CUX2: variants seen among roughly 807,000 people sequenced by gnomAD.
CUX2 encodes the protein cut like homeobox 2.
A neutral mutation model predicts 144.8 loss-of-function variants in CUX2; 40 were observed. The observed-to-expected ratio is 0.28, with a 90% confidence interval of 0.21 to 0.36. The LOEUF is 0.36. CUX2 is among the 10% of genes least tolerant of loss of function. The probability of loss-of-function intolerance (pLI) is 1.00; values close to 1 mark genes in which losing one functional copy is unlikely to be tolerated. For synonymous variants in CUX2, 827 were observed against 875.6 expected (o/e 0.94, Z 0.98); for missense variants, 1,615 against 1,994.0 (o/e 0.81, Z 3.62).
chr12:111,191,270 G>C (rs1408007410), intron 1 of CUX2, among the ~76,000 whole-genome samples: 4 of 152,060 alleles, frequency 2.6e-5, no homozygotes, highest in Admixed American at 6.5e-5. Flanking sequence ...GGGTCATTGT[G>C]TGGCTGTCTA....
At chr12:111,278,678 TC>T (rs1884989977) in intron 4 of CUX2, among the ~76,000 whole-genome samples, 1 of 152,136 alleles carries the variant, frequency 6.6e-6, no homozygotes, top group Admixed American at 6.5e-5. Context: ...AAAACAAGAT[TC>T]CCTTGGTGTT....
At chr12:111,248,462 G>A (rs1592879720) in intron 3 of CUX2, among the ~76,000 whole-genome samples, 2 of 152,212 alleles carry the variant, frequency 1.3e-5, no homozygotes, top group Admixed American at 6.5e-5. Context: ...CTGGCAGTTT[G>A]CCAGCCATAG....
At chr12:111,341,751 C>T (rs1888586329) in intron 20 of CUX2, 29 bp from the exon 21 acceptor site, 1 of 1,549,798 alleles carries the variant, frequency 6.5e-7, no homozygotes, top group Non-Finnish European at 8.7e-7. Flanking sequence ...GACACCACCT[C>T]TCAGCCCTCC....
chr12:111,228,190 C>T (rs1425456164), intron 3 of CUX2, among the ~76,000 whole-genome samples: 1 of 152,154 alleles, frequency 6.6e-6, no homozygotes, highest in East Asian at 1.9e-4. Context: ...ACATCATGCA[C>T]AGGAGTTACC....
At chr12:111,155,735 C>T (rs540283345) in intron 1 of CUX2, among the ~76,000 whole-genome samples, 1 of 152,226 alleles carries the variant, frequency 6.6e-6, no homozygotes, top group South Asian at 2.1e-4. Context: ...AGGCACCAGC[C>T]GGAAAGTTCA....
chr12:111,187,282 G>A (rs143239162), intron 1 of CUX2, among the ~76,000 whole-genome samples: 222 of 152,244 alleles, frequency 1.5e-3, no homozygotes, highest in Non-Finnish European at 2.5e-3. Context: ...TCCCTTGCTC[G>A]TGACTCCTGT....
chr12:111,202,244 A>G (rs1210766269), intron 1 of CUX2, among the ~76,000 whole-genome samples: 1 of 152,196 alleles, frequency 6.6e-6, no homozygotes, highest in Non-Finnish European at 1.5e-5. Context: ...GAGGGGCACA[A>G]GGGGTCCCCA....
In CUX2 at chr12:111,104,741, C is replaced by A. The variant is rs989950294; in HGVS notation, c.63+70501C>A. On this transcript the variant is annotated intron_variant, in intron 1 of 21. Transcript: ENST00000261726. ...AGAAGAGGGGTTTTAAAGTCCGTTC[C>A]TGGTTACCAGAGGAGGAAACAGCAG... Among the ~76,000 whole-genome samples the A allele has an allele frequency of 3.3e-5, 5 of 152,284 alleles. No homozygotes were observed. In the South Asian group the frequency reaches 8.3e-4, roughly 25 times the overall value.
chr12:111,296,580 C>G (rs1048973684), intron 8 of CUX2, 41 bp downstream of exon 8: 1 of 1,566,272 alleles, frequency 6.4e-7, no homozygotes, highest in Non-Finnish European at 8.7e-7. Context: ...CCCTTGGAGG[C>G]CTCCCAGACA....
intron 1 of CUX2, among the ~76,000 whole-genome samples, chr12:111,053,124 T>C (rs1047364795): frequency 2.0e-4 from 31 of 152,182 alleles, no homozygotes; most frequent in Non-Finnish European, 2.1e-4. Context: ...ATCTGCAAAA[T>C]GGGGATAGCA....
chr12:111,205,739 T>C (rs936576305), intron 1 of CUX2, among the ~76,000 whole-genome samples: 14 of 152,192 alleles, frequency 9.2e-5, no homozygotes, highest in African/African-American at 2.9e-4. Context: ...CTGAGTCACC[T>C]ATCCAAGGTC....
Position 111,320,864 on chromosome 12 carries a change from C to T in CUX2, c.2766+89C>T. Reference sequence around the variant, plus strand: ...CCACCCAAGCAGGCTGGCGGGACCCCAGGGGCCCAGGCCCTTCATTCCTGA... The same window carrying T: ...CCACCCAAGCAGGCTGGCGGGACCCTAGGGGCCCAGGCCCTTCATTCCTGA... On this transcript the variant is annotated intron_variant, in intron 17 of 21. Transcript: ENST00000261726. The surrounding 1 kb of genome is among the most constrained non-coding windows in gnomAD (Gnocchi z 8.1). 2 of 1,334,922 alleles carry T rather than the reference C, an allele frequency of 1.5e-6. No individual in the cohort carries two copies. Among genetic ancestry groups the T allele is most frequent in the Non-Finnish European group, 1.9e-6 (2 of 1,026,234 alleles). 82.7% of individuals were successfully genotyped at this position (1,334,922 alleles called of 1,614,324 possible). A position where few individuals can be genotyped will look rare whatever the true frequency, so the allele number is the denominator to read the frequency against.
At chr12:111,258,071 A>G (rs948678631) in intron 3 of CUX2, among the ~76,000 whole-genome samples, 1 of 152,208 alleles carries the variant, frequency 6.6e-6, no homozygotes, top group Non-Finnish European at 1.5e-5. Context: ...ATCAGCTTCC[A>G]TGGGACTCTT....
At chr12:111,214,173 C>CTCTCT in intron 1 of CUX2, 27 bp from the exon 2 acceptor site, 1 of 1,003,018 alleles carries the variant, frequency 1.0e-6, no homozygotes, top group East Asian at 3.0e-5. Flanking sequence ...CTCTCTCTCT[C>CTCTCT]TTTTTTTTTT....
At chr12:111,154,408 C>T (rs1877245595) in intron 1 of CUX2, among the ~76,000 whole-genome samples, 1 of 152,130 alleles carries the variant, frequency 6.6e-6, no homozygotes, top group African/African-American at 2.4e-5. Flanking sequence ...CACAGGGCTC[C>T]TCCCTCAGCC....
intron 19 of CUX2, 118 bp from the exon 20 acceptor site, chr12:111,338,168 T>A: frequency 1.9e-6 from 2 of 1,067,984 alleles, no homozygotes; most frequent in Admixed American, 4.8e-5. Context: ...CCCTTCGGAG[T>A]CAGTGGAGAT....
rs934605807 is a variant in CUX2, at chr12:111,293,691, G to C, written c.560+122G>C. On this transcript the variant is annotated intron_variant, in intron 6 of 21. Coordinates refer to ENST00000261726, the MANE Select transcript of CUX2 (RefSeq NM_015267.4). The surrounding 1 kb of genome is among the most constrained non-coding windows in gnomAD (Gnocchi z 4.5). ...AATCCAGATGCAGGCTGGAGACCGAGATGAGAAAGGGCCGAGGGCTTTGGA... is the reference window on the plus strand; with the variant it reads ...AATCCAGATGCAGGCTGGAGACCGACATGAGAAAGGGCCGAGGGCTTTGGA... The C allele has an allele frequency of 7.3e-7, 1 of 1,367,360 alleles. No individual in the cohort carries two copies. The highest frequency in any genetic ancestry group is 1.5e-5 in the African/African-American group (1 of 68,230). 84.7% of individuals were successfully genotyped at this position (1,367,360 alleles called of 1,614,324 possible). A position where few individuals can be genotyped will look rare whatever the true frequency, so the allele number is the denominator to read the frequency against.
At chr12:111,334,211 C>T (rs977099036) in intron 18 of CUX2, among the ~76,000 whole-genome samples, 12 of 151,502 alleles carry the variant, frequency 7.9e-5, no homozygotes, top group Non-Finnish European at 1.3e-4. Context: ...AATTGCTAAG[C>T]ATCATGTGGG....
chr12:111,038,427 C>T (rs1301683680), intron 1 of CUX2, among the ~76,000 whole-genome samples: 7 of 152,196 alleles, frequency 4.6e-5, no homozygotes, highest in South Asian at 2.1e-4. Flanking sequence ...AGCGTGAGCC[C>T]GCAGAGCTTG....
Sources: allele counts gnomAD v4.1 joint callset (sites outside exome capture counted in the v4.1 genomes callset), GRCh38; gene constraint gnomAD v4.1.1; non-coding constraint Gnocchi (gnomAD v3.1); transcripts MANE v1.5; gene names NCBI Gene and HGNC (gene_info 2026-07-23, HGNC 2026-07-21).